Variants in PADI4 observed in about 807,000 individuals in gnomAD.
PADI4 encodes the protein peptidyl arginine deiminase 4.
Under a neutral mutation model 75.0 loss-of-function variants are expected in PADI4, and 62 were observed. That is an observed-to-expected ratio of 0.83 (90% CI 0.67 to 1.02). PADI4 has a LOEUF of 1.02. Among genes scored for constraint, PADI4 ranks in the 50% least tolerant of loss-of-function variants. PADI4 has a pLI of 0.00. For synonymous variants in PADI4, 361 were observed against 348.1 expected, an observed-to-expected ratio of 1.04 and a Z score of -0.41; for missense variants, 845 against 850.5, an observed-to-expected ratio of 0.99 and a Z score of 0.08.
chr1:17,356,281 C>T lies in PADI4; in HGVS notation c.1456-76C>T. On this transcript the variant is annotated intron_variant, in intron 12 of 15. Transcript: ENST00000375448. This position sits in a 1 kb window ranked among gnomAD's most constrained non-coding sequence, Gnocchi z 4.1. ...CTTGGGTCCAAGTCCACACTACTCC[C>T]ACCCTCAGCAGATCCACCCTCGTTG... 1.6e-6 allele frequency: 2 copies of T among 1,274,136 alleles called. No individual in the cohort carries two copies. The highest frequency in any genetic ancestry group is 1.1e-6 in the Non-Finnish European group (1 of 909,698). The allele number at this position is 1,274,136 out of a possible 1,614,324, so 78.9% of individuals were successfully genotyped here.
intron 10 of PADI4, chr1:17,348,287 G>A: frequency 2.6e-6 from 1 of 391,100 alleles, no homozygotes; most frequent in Non-Finnish European, 4.7e-6. Context: ...TTGATCTCCA[G>A]GTAACCCTGC....
At chr1:17,338,822 G>T (rs1347285258) in intron 5 of PADI4, among the ~76,000 whole-genome samples, 2 of 152,194 alleles carry the variant, frequency 1.3e-5, no homozygotes, top group Non-Finnish European at 2.9e-5. Context: ...GGAGGAAGGT[G>T]CTAAGGGGCT....
chr1:17,323,747 A>G (rs2074071460), intron 1 of PADI4, among the ~76,000 whole-genome samples: 1 of 152,020 alleles, frequency 6.6e-6, no homozygotes, highest in Non-Finnish European at 1.5e-5. Context: ...ATGAGAGGCT[A>G]GCTTAAGCCC....
At chr1:17,328,884 T>G (rs2074158339) in intron 1 of PADI4, among the ~76,000 whole-genome samples, 1 of 152,056 alleles carries the variant, frequency 6.6e-6, no homozygotes, top group East Asian at 1.9e-4. Flanking sequence ...ACCATTCTTA[T>G]GACATCAGAT....
chr1:17,362,130 C>T (rs1570105721), intron 15 of PADI4, among the ~76,000 whole-genome samples: 1 of 152,060 alleles, frequency 6.6e-6, no homozygotes, highest in Non-Finnish European at 1.5e-5. Flanking sequence ...GTAATCCCAG[C>T]ACTTTGGGAG....
At chr1:17,316,722 T>A (rs1272297798) in intron 1 of PADI4, among the ~76,000 whole-genome samples, 14 of 147,908 alleles carry the variant, frequency 9.5e-5, no homozygotes, top group East Asian at 3.9e-4. Context: ...AATTAATTAA[T>A]TAATTAATTA....
At position 17,358,456 on chromosome 1, in the gene PADI4, A is replaced by G. The variant is rs1277704794; in HGVS notation, c.1559-382A>G. Among the ~76,000 whole-genome samples, 2 of 49,964 alleles carry G rather than the reference A, an allele frequency of 4.0e-5. 1 individual carries two copies. The highest frequency in any genetic ancestry group is 6.9e-5 in the Non-Finnish European group (2 of 28,794). The allele number at this position is 49,964 out of a possible 152,430, so 32.8% of individuals were successfully genotyped here. On this transcript the variant is annotated intron_variant, in intron 13 of 15. Coordinates refer to ENST00000375448, the MANE Select transcript of PADI4 (RefSeq NM_012387.3). ...GTGGCGGGCGCCTGTAGTCCCAGCTACTCCGGAGGCTGAGGCAGGAGAATG... is the reference window on the plus strand; with the variant it reads ...GTGGCGGGCGCCTGTAGTCCCAGCTGCTCCGGAGGCTGAGGCAGGAGAATG...
chr1:17,338,694 C>T (rs1028863003), intron 5 of PADI4, among the ~76,000 whole-genome samples: 24 of 152,180 alleles, frequency 1.6e-4, no homozygotes, highest in African/African-American at 2.4e-4. Context: ...GTCCCAACAC[C>T]GGAGCAGGTT....
intron 10 of PADI4, among the ~76,000 whole-genome samples, chr1:17,352,612 T>C (rs1349195913): frequency 2.6e-5 from 4 of 151,972 alleles, no homozygotes; most frequent in African/African-American, 7.3e-5. Context: ...TGACCCCCGC[T>C]ATGAGAGAGG....
chr1:17,338,695 G>A (rs1038550290), intron 5 of PADI4, among the ~76,000 whole-genome samples: 1 of 152,186 alleles, frequency 6.6e-6, no homozygotes, highest in East Asian at 1.9e-4. Flanking sequence ...TCCCAACACC[G>A]GAGCAGGTTT....
In PADI4 at chr1:17,343,448, C is replaced by T. The variant is rs115312331; in HGVS notation, c.935+1046C>T. ...GAGTAAGAGGGTAATGTGGTCAGGACGCAGGCTGGAATCCAGTGAGGACTG... is the reference window on the plus strand; with the variant it reads ...GAGTAAGAGGGTAATGTGGTCAGGATGCAGGCTGGAATCCAGTGAGGACTG... On this transcript the variant is annotated intron_variant, in intron 8 of 15. Transcript: ENST00000375448. Among the ~76,000 whole-genome samples, 1,376 of 152,158 alleles carry T rather than the reference C, an allele frequency of 9.0e-3. 22 individuals are homozygous for T. The highest frequency in any genetic ancestry group is 0.03 in the African/African-American group (1,235 of 41,492).
intron 1 of PADI4, among the ~76,000 whole-genome samples, chr1:17,328,800 T>C (rs1220397273): frequency 6.6e-6 from 1 of 152,156 alleles, no homozygotes; most frequent in Non-Finnish European, 1.5e-5. Flanking sequence ...ATGACTTTTT[T>C]GTATACAATG....
intron 8 of PADI4, among the ~76,000 whole-genome samples, chr1:17,344,441 G>C (rs2074478879): frequency 3.3e-5 from 5 of 152,246 alleles, no homozygotes; most frequent in Admixed American, 3.3e-4. Context: ...AAGTAACAAG[G>C]AGATTAATGT....
At chr1:17,338,551 T>A (rs1344799014) in intron 5 of PADI4, among the ~76,000 whole-genome samples, 1 of 152,190 alleles carries the variant, frequency 6.6e-6, no homozygotes, top group Non-Finnish European at 1.5e-5. Context: ...TCTGACCACT[T>A]TGGAATGATT....
chr1:17,311,219 C>T (rs559478504), intron 1 of PADI4, among the ~76,000 whole-genome samples: 2 of 151,906 alleles, frequency 1.3e-5, no homozygotes, highest in Non-Finnish European at 2.9e-5. Context: ...GGCAAGATTG[C>T]ACCACTGCAC....
At chr1:17,363,464 A>G (rs2100267552) in intron 15 of PADI4, 58 bp from the exon 16 acceptor site, 1 of 1,238,294 alleles carries the variant, frequency 8.1e-7, no homozygotes, top group Non-Finnish European at 1.2e-6. Flanking sequence ...GGGGCCGCTC[A>G]GATTGCGCTG....
chr1:17,316,775 C>T (rs531318302), intron 1 of PADI4, among the ~76,000 whole-genome samples: 7 of 151,020 alleles, frequency 4.6e-5, no homozygotes, highest in Non-Finnish European at 1.0e-4. Context: ...CCAAAAACAA[C>T]CCCCCCACCC....
At position 17,340,365 on chromosome 1, in the gene PADI4, C is replaced by T. The variant is rs373966502; in HGVS notation, c.652+552C>T. 1.1e-4 allele frequency among the ~76,000 whole-genome samples: 17 copies of T among 152,072 alleles called. 1 individual carries two copies. Among genetic ancestry groups the T allele is most frequent in the South Asian group, 2.1e-4 (1 of 4,816 alleles). On this transcript the variant is annotated intron_variant, in intron 6 of 15. Coordinates refer to ENST00000375448, the MANE Select transcript of PADI4 (RefSeq NM_012387.3). ...CTGTGACATGCTATGTAGAAGAATG[C>T]GGCAGGGAAGGGGATGTGGAGTGAG...
At chr1:17,329,337 A>AAAT (rs2074169186) in intron 1 of PADI4, among the ~76,000 whole-genome samples, 1 of 151,876 alleles carries the variant, frequency 6.6e-6, no homozygotes, top group Non-Finnish European at 1.5e-5. Flanking sequence ...AAAAAAAAAA[A>AAAT]AATAGTAAAT....
Sources: gnomAD v4.1 joint callset for allele counts (sites outside exome capture counted in the v4.1 genomes callset) on GRCh38, gnomAD v4.1.1 for gene constraint, Gnocchi (gnomAD v3.1) non-coding constraint, MANE v1.5 for transcripts, NCBI Gene and HGNC (gene_info 2026-07-23, HGNC 2026-07-21) for gene names.